SLC44A2: variants seen among roughly 807,000 people sequenced by gnomAD.
The protein encoded by SLC44A2 is choline transporter-like protein 2.
In SLC44A2, 57 loss-of-function variants were observed where a neutral mutation model predicts 90.8. The ratio of observed to expected loss-of-function variants is 0.63; its 90% CI spans 0.51 to 0.78. SLC44A2 has a LOEUF of 0.78. SLC44A2 is among the 30% of genes least tolerant of loss of function. The probability of loss-of-function intolerance (pLI) is 0.00; values close to 1 mark genes in which losing one functional copy is unlikely to be tolerated. For synonymous variants in SLC44A2, 355 were observed against 360.7 expected (o/e 0.98, Z 0.18); for missense variants, 794 against 919.7 (o/e 0.86, Z 1.77).
chr19:10,635,241 G>A lies in SLC44A2; in HGVS notation c.1134G>A (p.Trp378Ter). 6.2e-7 allele frequency: 1 copy of A among 1,613,952 alleles called. No homozygotes were observed. The highest frequency in any genetic ancestry group is 8.5e-7 in the Non-Finnish European group (1 of 1,179,998). ...FFLLCLCIAY[W>*]ASTAVFLSTS... is the part of the protein sequence containing the mutation. ...TGCTGTGCCTCTGCATCGCCTACTG[G>A]GCCAGCACTGCTGTGTATCTGCCCC... Residue 378 changes from tryptophan to a stop codon, truncating the protein, a stop_gained, in exon 13 of 22, where the codon TGG becomes TGA. Coordinates refer to ENST00000335757, the MANE Select transcript of SLC44A2 (RefSeq NM_020428.4). LOFTEE classifies it high-confidence loss of function.
chr19:10,627,665 G>A (rs2066948082), intron 2 of SLC44A2, 57 bp from the exon 3 acceptor site: 1 of 1,583,728 alleles, frequency 6.3e-7, no homozygotes, highest in African/African-American at 1.3e-5. Context: ...AGGGCAGATG[G>A]GCCCATGGTG....
At chr19:10,602,588 G>T in intron 1 of SLC44A2, 1 of 1,262,262 alleles carries the variant, frequency 7.9e-7, no homozygotes, top group Non-Finnish European at 1.0e-6. Context: ...GTCAGGGGCC[G>T]CCTCTGCTGA....
intron 7 of SLC44A2, 40 bp downstream of exon 7, chr19:10,631,575 G>T: frequency 6.2e-7 from 1 of 1,614,042 alleles, no homozygotes; most frequent in South Asian, 1.1e-5. Context: ...TGGTGACGGG[G>T]AGGCTCTGCA....
chr19:10,635,274 T>C lies in SLC44A2; in HGVS notation c.1148+19T>C. 1 of 1,613,710 alleles carries C rather than the reference T, an allele frequency of 6.2e-7. No individual in the cohort carries two copies. The highest frequency in any genetic ancestry group is 8.5e-7 in the Non-Finnish European group (1 of 1,179,728). ...CTGCTGTGTATCTGCCCCCAGACAC[T>C]GATCTCTGACCCCAGGGATGGCTAA... On this transcript the variant is annotated intron_variant, in intron 13 of 21. Coordinates refer to ENST00000335757, the MANE Select transcript of SLC44A2 (RefSeq NM_020428.4).
At chr19:10,636,922 C>G in intron 16 of SLC44A2, 166 bp downstream of exon 16, 1 of 707,040 alleles carries the variant, frequency 1.4e-6, no homozygotes. Context: ...TTGAGTCCTG[C>G]GATGGAGGAG....
intron 1 of SLC44A2, among the ~76,000 whole-genome samples, chr19:10,616,943 A>G (rs2066859753): frequency 6.6e-6 from 1 of 151,510 alleles, no homozygotes; most frequent in South Asian, 2.1e-4. Context: ...TTTTTTTGAG[A>G]TGGAGTCTTG....
At chr19:10,619,460 T>A (rs2066881753) in intron 1 of SLC44A2, among the ~76,000 whole-genome samples, 1 of 150,892 alleles carries the variant, frequency 6.6e-6, no homozygotes, top group Non-Finnish European at 1.5e-5. Context: ...TTTTTTTTTT[T>A]TAAGCCTCAG....
chr19:10,604,300 G>A (rs1334346739), intron 1 of SLC44A2, among the ~76,000 whole-genome samples: 2 of 152,212 alleles, frequency 1.3e-5, no homozygotes, highest in Non-Finnish European at 2.9e-5. Flanking sequence ...AAGATTTAGG[G>A]GAAGTGTGTT....
chr19:10,641,903 A>C (rs1054088574), intron 20 of SLC44A2, among the ~76,000 whole-genome samples: 9 of 151,900 alleles, frequency 5.9e-5, no homozygotes, highest in African/African-American at 2.2e-4. Flanking sequence ...CACGCCTGTA[A>C]TCCCAGCACT....
In SLC44A2 at chr19:10,619,452, T is replaced by G. The variant is rs547155198; in HGVS notation, c.32-6801T>G. Reference sequence around the variant, plus strand: ...CAGAAAAAAAAAAAAAAAGTGTTTTTTTTTTTTTTAAGCCTCAGAGCCTAC... The same window carrying G: ...CAGAAAAAAAAAAAAAAAGTGTTTTGTTTTTTTTTAAGCCTCAGAGCCTAC... On this transcript the variant is annotated intron_variant, in intron 1 of 21. Coordinates refer to the SLC44A2 transcript ENST00000407327. 1.0e-3 allele frequency among the ~76,000 whole-genome samples: 156 copies of G among 150,784 alleles called. 1 individual carries two copies. The South Asian group carries it at 0.029, about 28-fold the overall frequency.
chr19:10,638,153 G>A (rs989085297), intron 19 of SLC44A2, 60 bp downstream of exon 19: 84 of 1,612,266 alleles, frequency 5.2e-5, no homozygotes, highest in Non-Finnish European at 7.0e-5. Context: ...CTTCTGTGAT[G>A]AGTGTCATCT....
At chr19:10,610,218 T>A (rs1247669752) in intron 1 of SLC44A2, among the ~76,000 whole-genome samples, 1 of 151,816 alleles carries the variant, frequency 6.6e-6, no homozygotes, top group African/African-American at 2.4e-5. Flanking sequence ...AAAATATATA[T>A]ATATGACAGA....
chr19:10,642,492 C>T, intron 21 of SLC44A2, 41 bp downstream of exon 21: 1 of 1,577,556 alleles, frequency 6.3e-7, no homozygotes, highest in South Asian at 1.1e-5. Flanking sequence ...GGCCCCGAAT[C>T]CCTTCTTTCC....
At chr19:10,634,623 G>T in intron 10 of SLC44A2, 133 bp from the exon 11 acceptor site, 1 of 1,239,180 alleles carries the variant, frequency 8.1e-7, no homozygotes, top group Non-Finnish European at 1.2e-6. Context: ...TGCACCGGGC[G>T]GTGGGAACTG....
At chr19:10,636,946 C>G (rs1032666218) in intron 16 of SLC44A2, 190 bp downstream of exon 16, 4 of 605,642 alleles carry the variant, frequency 6.6e-6, no homozygotes, top group Non-Finnish European at 8.5e-6. Flanking sequence ...ACCAGAGAAC[C>G]TACTGGGTGG....
chr19:10,614,713 A>G (rs2144815890), intron 1 of SLC44A2, among the ~76,000 whole-genome samples: 1 of 151,848 alleles, frequency 6.6e-6, no homozygotes, highest in East Asian at 2.0e-4. Context: ...GCTCACGCCG[A>G]TAATCCCAGC....
chr19:10,627,300 G>A (rs143800931), intron 2 of SLC44A2, among the ~76,000 whole-genome samples: 4,966 of 149,710 alleles, frequency 0.033, 244 homozygotes, highest in East Asian at 0.11. Context: ...CAGCCTGGGC[G>A]ACAGAGTGAG....
intron 1 of SLC44A2, among the ~76,000 whole-genome samples, chr19:10,609,398 C>G (rs986277915): frequency 4.6e-5 from 7 of 152,114 alleles, no homozygotes; most frequent in Admixed American, 3.3e-4. Context: ...CTCCTGGGTT[C>G]AAGTGATTCT....
At chr19:10,619,816 G>A (rs181903526) in intron 1 of SLC44A2, among the ~76,000 whole-genome samples, 4 of 152,168 alleles carry the variant, frequency 2.6e-5, no homozygotes, top group South Asian at 2.1e-4. Context: ...TTAGCCAGGC[G>A]TGGTGGCGTG....
Sources: allele counts gnomAD v4.1 joint callset (sites outside exome capture counted in the v4.1 genomes callset), GRCh38; gene constraint gnomAD v4.1.1; transcripts MANE v1.5; gene names NCBI Gene and HGNC (gene_info 2026-07-23, HGNC 2026-07-21).